The following AXL variants were observed in gnomAD, a reference collection of about 807,000 sequenced individuals.
AXL encodes the protein tyrosine-protein kinase receptor UFO.
AXL carries 52 observed loss-of-function variants against 104.5 expected under a neutral mutation model. The ratio of observed to expected loss-of-function variants is 0.50; its 90% confidence interval spans 0.40 to 0.63. The LOEUF is 0.63. Among genes scored for constraint, AXL ranks in the 20% least tolerant of loss-of-function variants. The pLI, the probability that AXL is intolerant of heterozygous loss-of-function variation, is 0.00. For synonymous variants in AXL, 455 were observed against 473.7 expected (o/e 0.96, Z 0.51); for missense variants, 1,024 against 1,188.5 (o/e 0.86, Z 2.04).
intron 6 of AXL, among the ~76,000 whole-genome samples, chr19:41,234,201 T>C (rs2034041600): frequency 6.6e-6 from 1 of 152,162 alleles, no homozygotes; most frequent in South Asian, 2.1e-4. Context: ...TCTCTGGGCC[T>C]TGGCTTCCCT....
intron 12 of AXL, among the ~76,000 whole-genome samples, chr19:41,246,702 G>A (rs775397379): frequency 6.6e-6 from 1 of 152,030 alleles, no homozygotes; most frequent in Non-Finnish European, 1.5e-5. Flanking sequence ...GCAACAGAGC[G>A]AGACTCGGTT....
rs1191232462 is a variant in AXL at position 41,259,650 on chromosome 19, C to T, written c.2431C>T (p.Pro811Ser). ...TTTGGAGAACACACTGAAGGCCTTG[C>T]CTCCTGCCCAGGAGCCTGACGAAAT... ...EDLENTLKAL[P>S]PAQEPDEILY... is the part of the protein sequence containing the mutation. Residue 811 changes from proline (P) to serine (S), a missense_variant, in exon 20 of 20, where the codon CCT (proline) becomes TCT (serine). Physicochemically the swap from Pro to Ser is moderately conservative, Grantham distance 74. Transcript: ENST00000301178. 6.2e-7 allele frequency: 1 copy of T among 1,614,080 alleles called. No individual in the cohort carries two copies. Among genetic ancestry groups the T allele is most frequent in the African/African-American group, 1.3e-5 (1 of 74,984 alleles).
At chr19:41,240,897 C>T (rs921353641) in intron 10 of AXL, among the ~76,000 whole-genome samples, 1 of 152,070 alleles carries the variant, frequency 6.6e-6, no homozygotes, top group South Asian at 2.1e-4. Context: ...CCTCACCCTT[C>T]ACTAATCCCA....
intron 17 of AXL, among the ~76,000 whole-genome samples, chr19:41,254,554 A>G (rs1197607532): frequency 6.6e-6 from 1 of 151,902 alleles, no homozygotes; most frequent in African/African-American, 2.4e-5. Flanking sequence ...AAAGAACAAA[A>G]AATCCCCCAA....
intron 1 of AXL, 49 bp from the exon 2 acceptor site, chr19:41,220,587 G>A (rs949775776): frequency 1.9e-5 from 28 of 1,493,986 alleles, no homozygotes; most frequent in Non-Finnish European, 2.0e-5. Context: ...ACTGAGGGCC[G>A]GAAGGAGCTG....
In AXL at chr19:41,242,146, T is replaced by C. The variant is rs538715037; in HGVS notation, c.1313-737T>C. Among the ~76,000 whole-genome samples the C allele has an allele frequency of 6.6e-5, 10 of 152,046 alleles. No homozygotes were observed. In the South Asian group the frequency reaches 2.1e-3, roughly 32 times the overall value. On this transcript the variant is annotated intron_variant, in intron 10 of 19. Coordinates refer to ENST00000301178, the MANE Select transcript of AXL (RefSeq NM_021913.5). Reference sequence around the variant, plus strand: ...TCTCTCCCTCCCATTCCACACTCACTGCACACTCCTCAAATATCCATTCCA... The same window carrying C: ...TCTCTCCCTCCCATTCCACACTCACCGCACACTCCTCAAATATCCATTCCA...
At chr19:41,232,769 T>C (rs2034013486) in intron 6 of AXL, among the ~76,000 whole-genome samples, 2 of 152,070 alleles carry the variant, frequency 1.3e-5, no homozygotes, top group African/African-American at 4.8e-5. Context: ...CCTATGATGG[T>C]AGATGACAGT....
At chr19:41,237,541 T>A (rs2034101565) in intron 6 of AXL, among the ~76,000 whole-genome samples, 1 of 152,088 alleles carries the variant, frequency 6.6e-6, no homozygotes, top group Non-Finnish European at 1.5e-5. Flanking sequence ...CCGTGCCCAG[T>A]CTATTTGCGT....
chr19:41,228,831 G>A (rs2033927281), intron 4 of AXL, among the ~76,000 whole-genome samples: 1 of 152,232 alleles, frequency 6.6e-6, no homozygotes, highest in African/African-American at 2.4e-5. Flanking sequence ...GGTAAAGTAT[G>A]TTGGGTGATG....
At chr19:41,240,844 G>T (rs1217838514) in intron 10 of AXL, among the ~76,000 whole-genome samples, 1 of 151,830 alleles carries the variant, frequency 6.6e-6, no homozygotes. Context: ...TCCCACACCC[G>T]ATTCTCCTTG....
chr19:41,259,265 C>T (rs1329682447), intron 19 of AXL, among the ~76,000 whole-genome samples: 1 of 152,170 alleles, frequency 6.6e-6, no homozygotes, highest in African/African-American at 2.4e-5. Flanking sequence ...TGATGCAAGT[C>T]TGTTCTGGGG....
rs113522975 is a variant in AXL, at chr19:41,240,073, A to C, written c.1312+353A>C. The stretch of plus-strand genomic sequence containing the variant: ...ATGTCGAGTGGATAAATGGATGGGT[A>C]GATGGATGGGTGGATGGATGGATGG... On this transcript the variant is annotated intron_variant, in intron 10 of 19. Transcript: ENST00000301178. 4.0e-3 allele frequency among the ~76,000 whole-genome samples: 610 copies of C among 151,392 alleles called. 5 individuals are homozygous for C. Among genetic ancestry groups the C allele is most frequent in the African/African-American group, 0.014 (590 of 41,136 alleles).
At chr19:41,249,715 C>T (rs2034330438) in intron 14 of AXL, among the ~76,000 whole-genome samples, 1 of 151,868 alleles carries the variant, frequency 6.6e-6, no homozygotes, top group South Asian at 2.1e-4. Flanking sequence ...GAGATCGTGC[C>T]ACTGCCCTCC....
intron 14 of AXL, among the ~76,000 whole-genome samples, chr19:41,250,469 G>T (rs575646861): frequency 3.9e-5 from 6 of 152,286 alleles, no homozygotes; most frequent in Admixed American, 2.6e-4. Context: ...TTGAGGAGGA[G>T]TCTCACTCTG....
At chr19:41,229,523 C>T (rs2033939633) in intron 4 of AXL, among the ~76,000 whole-genome samples, 1 of 152,166 alleles carries the variant, frequency 6.6e-6, no homozygotes, top group Admixed American at 6.6e-5. Flanking sequence ...ACTCAGCCTC[C>T]CAAAGTGCTG....
At chr19:41,222,415 GT>G (rs2033807662) in intron 4 of AXL, among the ~76,000 whole-genome samples, 1 of 152,046 alleles carries the variant, frequency 6.6e-6, no homozygotes, top group African/African-American at 2.4e-5. Context: ...GCTCGAGTGC[GT>G]GTGGGCCTGG....
In AXL at chr19:41,248,560, T is replaced by A; in HGVS notation, c.1584T>A (p.Asp528Glu). The A allele has an allele frequency of 6.2e-7, 1 of 1,614,120 alleles. No individual in the cohort carries two copies. The highest frequency in any genetic ancestry group is 8.5e-7 in the Non-Finnish European group (1 of 1,180,020). The change falls in exon 13 of 20, where the codon GAT becomes GAA. Residue 528 changes from aspartate (D) to glutamate (E), a missense_variant. By Grantham distance (45) the Asp-to-Glu change is conservative. Transcript: ENST00000301178. ...ISEELKEKLR[D>E]VMVDRHKVAL... ...AAGAGCTGAAGGAGAAGCTGCGGGA[T>A]GTGATGGTGGACCGGCACAAGGTGG...
Position 41,260,309 on chromosome 19 carries a change from T to TTTTTTTTTTTTTTTTTTTTG in AXL, c.*424_*425insGTTTTTTTTTTTTTTTTTTT. On this transcript the variant is annotated 3_prime_UTR_variant, in exon 20 of 20. Coordinates refer to ENST00000301178, the MANE Select transcript of AXL (RefSeq NM_021913.5). ...GGTTCTAAGGCCTACTTTTTTTTTT[T>TTTTTTTTTTTTTTTTTTTTG]TTTTTTTTTTTTTTTTTTTTGCGAT... 7.2e-6 allele frequency: 1 copy of TTTTTTTTTTTTTTTTTTTTG among 138,094 alleles called. No homozygotes were observed. Among genetic ancestry groups the TTTTTTTTTTTTTTTTTTTTG allele is most frequent in the African/African-American group, 5.4e-5 (1 of 18,592 alleles). 8.6% of individuals were successfully genotyped at this position (138,094 alleles called of 1,614,324 possible).
chr19:41,255,611 T>C (rs1160986960), intron 17 of AXL, among the ~76,000 whole-genome samples: 1 of 152,026 alleles, frequency 6.6e-6, no homozygotes, highest in South Asian at 2.1e-4. Context: ...AGCTAATTTT[T>C]AAATTTTTTT....
Sources: allele counts gnomAD v4.1 joint callset (sites outside exome capture counted in the v4.1 genomes callset), GRCh38; gene constraint gnomAD v4.1.1; transcripts MANE v1.5; gene names NCBI Gene and HGNC (gene_info 2026-07-23, HGNC 2026-07-21).